EEFSEC: variants seen among roughly 807,000 people sequenced by gnomAD.
The protein encoded by EEFSEC is selenocysteine-specific elongation factor.
In EEFSEC, 43 loss-of-function variants were observed where a neutral mutation model predicts 42.1. The observed-to-expected ratio is 1.02, with a 90% CI of 0.80 to 1.32. The LOEUF (loss-of-function observed/expected upper bound fraction) is 1.32. Ranked by LOEUF, EEFSEC falls within the 40% of genes most tolerant of loss-of-function variation. EEFSEC has a pLI of 0.00. For missense variants in EEFSEC, 745 were observed against 803.6 expected, an observed-to-expected ratio of 0.93 and a Z score of 0.88; for synonymous variants, 354 against 339.1, an observed-to-expected ratio of 1.04 and a Z score of -0.48.
At chr3:128,217,842 A>T (rs906674337) in intron 1 of EEFSEC, among the ~76,000 whole-genome samples, 1 of 152,196 alleles carries the variant, frequency 6.6e-6, no homozygotes, top group African/African-American at 2.4e-5. Context: ...TCAAATATTA[A>T]TTAGGGAACA....
At chr3:128,285,607 C>G (rs2066576087) in intron 4 of EEFSEC, among the ~76,000 whole-genome samples, 3 of 152,156 alleles carry the variant, frequency 2.0e-5, no homozygotes, top group Admixed American at 2.0e-4. Context: ...TGGGTCTACC[C>G]TCTTGTGCTT....
At chr3:128,262,353 A>C in intron 3 of EEFSEC, 129 bp downstream of exon 3, 2 of 751,526 alleles carry the variant, frequency 2.7e-6, no homozygotes, top group Non-Finnish European at 4.4e-6. Flanking sequence ...GGTTCCATTA[A>C]CCTCCCTGTT....
chr3:128,310,102 A>T (rs1245930570), intron 4 of EEFSEC, among the ~76,000 whole-genome samples: 2 of 152,210 alleles, frequency 1.3e-5, no homozygotes, highest in African/African-American at 4.8e-5. Context: ...TTTCAGGGAG[A>T]AAAGCAGGTG....
the EEFSEC span, among the ~76,000 whole-genome samples, chr3:128,414,741 C>T: frequency 0.013 from 1,984 of 152,276 alleles, 47 homozygotes; most frequent in African/African-American, 0.045. Context: ...GCATCACCAG[C>T]GACCTGCTCA....
In EEFSEC at chr3:128,229,978, T is replaced by C. The variant is rs909220985; in HGVS notation, c.317-16858T>C. On this transcript the variant is annotated intron_variant, in intron 1 of 6. Transcript: ENST00000254730. Reference sequence around the variant, plus strand: ...CTTTCCTTTCCTTTTCCTTTCCTTTTCCTTTCATTCTCTTTCTTTTATTTT... The same window carrying C: ...CTTTCCTTTCCTTTTCCTTTCCTTTCCCTTTCATTCTCTTTCTTTTATTTT... Among the ~76,000 whole-genome samples, 10 of 152,050 alleles carry C rather than the reference T, an allele frequency of 6.6e-5. 1 individual carries two copies. Among genetic ancestry groups the C allele is most frequent in the African/African-American group, 1.7e-4 (7 of 41,380 alleles).
chr3:128,211,800 G>T (rs2065758689), intron 1 of EEFSEC, among the ~76,000 whole-genome samples: 1 of 148,194 alleles, frequency 6.7e-6, no homozygotes. Flanking sequence ...ACAGGCGTGA[G>T]CCACCACACC....
chr3:128,246,294 T>C (rs1412995798), intron 1 of EEFSEC, among the ~76,000 whole-genome samples: 1 of 152,092 alleles, frequency 6.6e-6, no homozygotes, highest in Non-Finnish European at 1.5e-5. Context: ...CACAGAACCT[T>C]AGATGCTCCT....
At chr3:128,172,571 T>C (rs2065309929) in intron 1 of EEFSEC, among the ~76,000 whole-genome samples, 1 of 152,184 alleles carries the variant, frequency 6.6e-6, no homozygotes, top group Non-Finnish European at 1.5e-5. Context: ...AGTGCTGGGA[T>C]TACAGGTGTG....
At chr3:128,391,132 C>A (rs1482250406) in intron 6 of EEFSEC, among the ~76,000 whole-genome samples, 1 of 152,248 alleles carries the variant, frequency 6.6e-6, no homozygotes, top group African/African-American at 2.4e-5. Flanking sequence ...GCCCCCGGTG[C>A]ATGCCTGCAT....
Position 128,204,965 on chromosome 3 carries a change from G to C in EEFSEC, c.317-41871G>C, listed in dbSNP as rs76132192. ...TAGGTACTTTTGTCTGCTGCGTGAC[G>C]GGCTTCCCTAGAAGAGTTGTTCAAA... On this transcript the variant is annotated intron_variant, in intron 1 of 6. Transcript: ENST00000254730. Among the ~76,000 whole-genome samples, 948 of 152,242 alleles carry C rather than the reference G, an allele frequency of 6.2e-3. 8 individuals are homozygous for C. The highest frequency in any genetic ancestry group is 0.021 in the African/African-American group (889 of 41,550).
In EEFSEC at chr3:128,246,981, A is replaced by T; in HGVS notation, c.462A>T (p.Gly154=). 6.2e-7 allele frequency: 1 copy of T among 1,614,206 alleles called. No homozygotes were observed. The highest frequency in any genetic ancestry group is 8.5e-7 in the Non-Finnish European group (1 of 1,180,044). Residue 154 remains glycine, a synonymous_variant, in exon 2 of 7, where the codon GGA becomes GGT. Transcript: ENST00000254730. Reference sequence around the variant, plus strand: ...ACAAAATAGACCTCTTACCTGAAGGAAAGAGACAGGCAGCAATTGATAAAA... The same window carrying T: ...ACAAAATAGACCTCTTACCTGAAGGTAAGAGACAGGCAGCAATTGATAAAA... ...VLNKIDLLPE[G]KRQAAIDKMT... is the part of the protein sequence containing the mutation.
Position 128,192,215 on chromosome 3 carries a change from G to A in EEFSEC, c.316+38392G>A, listed in dbSNP as rs114666922. Among the ~76,000 whole-genome samples the A allele has an allele frequency of 6.0e-3, 907 of 152,196 alleles. 8 individuals are homozygous for A. Among genetic ancestry groups the A allele is most frequent in the Non-Finnish European group, 9.9e-3 (674 of 68,012 alleles). On this transcript the variant is annotated intron_variant, in intron 1 of 6. Transcript: ENST00000254730. ...TGGCCTTGGCTGTGACTTCACTCCG[G>A]GTCTCAACCTATCCATCTGTAAAAC...
intron 1 of EEFSEC, among the ~76,000 whole-genome samples, chr3:128,199,137 GTA>G (rs2065617924): frequency 6.6e-6 from 1 of 152,116 alleles, no homozygotes; most frequent in Non-Finnish European, 1.5e-5. Flanking sequence ...TGGCCTGTGT[GTA>G]TGTTTTTTCA....
intron 1 of EEFSEC, among the ~76,000 whole-genome samples, chr3:128,212,082 C>T (rs986082311): frequency 4.0e-5 from 6 of 151,538 alleles, no homozygotes; most frequent in Non-Finnish European, 7.4e-5. Flanking sequence ...AGGATAGTCT[C>T]GATCTCCTGA....
At chr3:128,326,478 T>C (rs2067064837) in intron 4 of EEFSEC, among the ~76,000 whole-genome samples, 1 of 152,204 alleles carries the variant, frequency 6.6e-6, no homozygotes, top group South Asian at 2.1e-4. Flanking sequence ...ACCTCGATTT[T>C]CTCATGTGGG....
chr3:128,306,699 G>A (rs373001270), intron 4 of EEFSEC, among the ~76,000 whole-genome samples: 7 of 152,338 alleles, frequency 4.6e-5, no homozygotes, highest in African/African-American at 1.7e-4. Flanking sequence ...GATAAGATAA[G>A]ATTTGTGCTA....
intron 4 of EEFSEC, among the ~76,000 whole-genome samples, chr3:128,320,204 G>A (rs1057330949): frequency 6.6e-6 from 1 of 152,220 alleles, no homozygotes; most frequent in Non-Finnish European, 1.5e-5. Context: ...TTGCCCCCTG[G>A]CTTGTAGGCT....
At chr3:128,365,904 T>G (rs2067584549) in intron 6 of EEFSEC, among the ~76,000 whole-genome samples, 1 of 152,218 alleles carries the variant, frequency 6.6e-6, no homozygotes, top group Admixed American at 6.5e-5. Context: ...TGCCCCGCTT[T>G]GCCTCAGCCG....
At chr3:128,197,575 A>C (rs2065598183) in intron 1 of EEFSEC, among the ~76,000 whole-genome samples, 1 of 152,120 alleles carries the variant, frequency 6.6e-6, no homozygotes, top group South Asian at 2.1e-4. Flanking sequence ...GCCCGGCCGG[A>C]AATACGCATT....
Sources: allele counts gnomAD v4.1 joint callset (sites outside exome capture counted in the v4.1 genomes callset), GRCh38; gene constraint gnomAD v4.1.1; transcripts MANE v1.5; gene names NCBI Gene and HGNC (gene_info 2026-07-23, HGNC 2026-07-21).